FRMPD4: variants seen among roughly 807,000 people sequenced by gnomAD.
FRMPD4 encodes the protein FERM and PDZ domain-containing protein 4.
Under a neutral mutation model 94.1 loss-of-function variants are expected in FRMPD4, and 22 were observed. That is an observed-to-expected ratio of 0.23 (90% CI 0.17 to 0.33). The LOEUF (loss-of-function observed/expected upper bound fraction) is 0.33. FRMPD4 is among the 10% of genes least tolerant of loss of function. The pLI is 1.00. For missense variants in FRMPD4, 1,111 were observed against 1,339.9 expected, an observed-to-expected ratio of 0.83 and a Z score of 2.67; for synonymous variants, 631 against 548.6, an observed-to-expected ratio of 1.15 and a Z score of -2.10.
intron 3 of FRMPD4, among the ~76,000 whole-genome samples, chrX:12,025,034 A>G (rs1254717827): frequency 9.4e-6 from 1 of 105,883 alleles, no homozygotes; most frequent in Non-Finnish European, 1.9e-5. Context: ...ATAATTGACC[A>G]TCTTTTATTG....
intron 2 of FRMPD4, among the ~76,000 whole-genome samples, chrX:12,520,677 A>G (rs1244743639): frequency 7.2e-5 from 8 of 111,573 alleles, no homozygotes; most frequent in Admixed American, 9.5e-5. Flanking sequence ...ATCCCTTTCC[A>G]TCTTCACATT....
At chrX:12,419,097 C>G (rs189441504) in intron 1 of FRMPD4, among the ~76,000 whole-genome samples, 1 of 111,776 alleles carries the variant, frequency 8.9e-6, no homozygotes, top group Non-Finnish European at 1.9e-5. Context: ...TGACCCCTCC[C>G]TCCTCCTGTA....
chrX:12,655,752 A>C (rs2059648041), intron 4 of FRMPD4, among the ~76,000 whole-genome samples: 1 of 112,207 alleles, frequency 8.9e-6, no homozygotes, highest in African/African-American at 3.2e-5. Context: ...AATGGAAAGA[A>C]AGCTTTCATC....
At chrX:11,874,949 C>T (rs1274858903) in intron 2 of FRMPD4, among the ~76,000 whole-genome samples, 1 of 111,919 alleles carries the variant, frequency 8.9e-6, no homozygotes, top group Non-Finnish European at 1.9e-5. Context: ...AAAAGCATGA[C>T]AAATGGCAGA....
rs758573701 is a variant in FRMPD4, at chrX:12,718,214, G to C, written c.3388G>C (p.Glu1130Gln). Reference protein sequence around the residue: ...GLGAREAEGKEEGAPDGETSD... With the variant: ...GLGAREAEGKQEGAPDGETSD... ...TGGGGCAAGGGAGGCCGAAGGGAAG[G>C]AAGAAGGAGCTCCTGATGGAGAAAC... Residue 1130 changes from glutamate (E) to glutamine (Q), a missense_variant, in exon 16 of 17, where the codon GAA (glutamate) becomes CAA (glutamine). Glu to Gln is a conservative substitution (Grantham distance 29). Around this residue, in one of 8 missense-constraint regions of FRMPD4, gnomAD observed 551 missense variants for 591.6 expected, o/e 0.93. Coordinates refer to ENST00000675598, the MANE Select transcript of FRMPD4 (RefSeq NM_001368397.1). The C allele has an allele frequency of 7.4e-6, 9 of 1,209,917 alleles. No homozygotes were observed. In the African/African-American group the frequency reaches 1.6e-4, roughly 21 times the overall value.
At chrX:12,247,384 TC>T (rs761531537) in intron 1 of FRMPD4, among the ~76,000 whole-genome samples, 147 of 111,136 alleles carry the variant, frequency 1.3e-3, no homozygotes, top group African/African-American at 4.6e-3. Flanking sequence ...CAGTAACCCA[TC>T]CCCAAGTTCC....
rs775788853 is a variant in FRMPD4 at position 12,718,065 on chromosome X, A to T, written c.3239A>T (p.Asn1080Ile). Residue 1080 changes from asparagine to isoleucine, a missense_variant, in exon 16 of 17, where the codon AAT becomes ATT. Coordinates refer to ENST00000675598, the MANE Select transcript of FRMPD4 (RefSeq NM_001368397.1). Reference protein sequence around the residue: ...SRDSQHLSTFNLERTAFRKDS... With the variant: ...SRDSQHLSTFILERTAFRKDS... ...GACAGTCAACACCTGAGCACTTTTA[A>T]TCTGGAGAGAACTGCCTTTCGCAAG... 2 of 1,211,185 alleles carry T rather than the reference A, an allele frequency of 1.7e-6. No homozygotes were observed.
chrX:12,553,433 CCTAT>C (rs1443767850), intron 2 of FRMPD4, among the ~76,000 whole-genome samples: 3 of 28,753 alleles, frequency 1.0e-4, no homozygotes, highest in Non-Finnish European at 1.6e-4. Flanking sequence ...TATCCATATG[CCTAT>C]ATATATATAT....
intron 3 of FRMPD4, among the ~76,000 whole-genome samples, chrX:12,001,071 G>T (rs1262698789): frequency 8.9e-6 from 1 of 112,096 alleles, no homozygotes; most frequent in Non-Finnish European, 1.9e-5. Context: ...GATGGGTTAT[G>T]TAATGAAGGT....
chrX:12,250,007 T>G (rs1215667026), intron 1 of FRMPD4, among the ~76,000 whole-genome samples: 1 of 108,273 alleles, frequency 9.2e-6, no homozygotes, highest in Non-Finnish European at 1.9e-5. Context: ...TTGGGTTTAA[T>G]TATTAATTAT....
At chrX:12,070,153 A>G (rs895029580) in intron 3 of FRMPD4, among the ~76,000 whole-genome samples, 1 of 110,172 alleles carries the variant, frequency 9.1e-6, no homozygotes, top group Admixed American at 9.7e-5. Flanking sequence ...TAGATGAGAG[A>G]CAGTTGCTAA....
At chrX:12,294,255 T>A (rs945963503) in intron 1 of FRMPD4, among the ~76,000 whole-genome samples, 5 of 111,262 alleles carry the variant, frequency 4.5e-5, no homozygotes, top group Admixed American at 9.5e-5. Context: ...TATTGCTCCA[T>A]ATGATGAAAT....
At chrX:11,899,398 T>A (rs2147327743) in intron 3 of FRMPD4, among the ~76,000 whole-genome samples, 1 of 110,225 alleles carries the variant, frequency 9.1e-6, no homozygotes, top group South Asian at 3.9e-4. Flanking sequence ...TTTTTTTTTT[T>A]TTGCAGCTGA....
At chrX:12,073,900 A>G (rs999298356) in intron 3 of FRMPD4, among the ~76,000 whole-genome samples, 14 of 111,816 alleles carry the variant, frequency 1.3e-4, no homozygotes, top group African/African-American at 4.5e-4. Flanking sequence ...ATTTTTCTAC[A>G]AACTAGCACT....
At chrX:12,195,966 C>T (rs976745638) in intron 1 of FRMPD4, among the ~76,000 whole-genome samples, 1 of 111,586 alleles carries the variant, frequency 9.0e-6, no homozygotes, top group Non-Finnish European at 1.9e-5. Flanking sequence ...TATGGAATGA[C>T]GGAATGGATG....
Position 12,371,073 on chromosome X carries a change from C to T in FRMPD4, c.42-127607C>T, listed in dbSNP as rs185242167. 2.7e-5 allele frequency among the ~76,000 whole-genome samples: 3 copies of T among 112,348 alleles called. No individual in the cohort carries two copies. The East Asian group carries it at 8.3e-4, about 31-fold the overall frequency. On this transcript the variant is annotated intron_variant, in intron 1 of 16. Transcript: ENST00000675598. ...CTTTTTGCCTTGACTACCAGGAAACCTGTAGTTTTATTTAACATTAAATTG... is the reference window on the plus strand; with the variant it reads ...CTTTTTGCCTTGACTACCAGGAAACTTGTAGTTTTATTTAACATTAAATTG...
Position 12,717,979 on chromosome X carries a change from G to T in FRMPD4, c.3153G>T (p.Gly1051=), listed in dbSNP as rs1383484388. 1.7e-6 allele frequency: 2 copies of T among 1,211,918 alleles called. No individual in the cohort carries two copies. The highest frequency in any genetic ancestry group is 3.0e-5 in the East Asian group (1 of 33,838). ...ACACAACAGGAAAAAAACAGCAGGG[G>T]ACCAAAACGGCAGAGATGGAGGAGG... ...NGNTTGKKQQ[G]TKTAEMEEEA... is the part of the protein sequence containing the mutation. Residue 1051 remains glycine, a synonymous_variant, in exon 16 of 17, where the codon GGG becomes GGT. Transcript: ENST00000675598.
intron 1 of FRMPD4, among the ~76,000 whole-genome samples, chrX:12,476,535 G>A (rs1266944768): frequency 9.1e-6 from 1 of 110,168 alleles, no homozygotes; most frequent in African/African-American, 3.3e-5. Flanking sequence ...GCAACCTACA[G>A]TATGGGAGAA....
intron 1 of FRMPD4, among the ~76,000 whole-genome samples, chrX:12,339,276 A>G (rs776785691): frequency 1.8e-5 from 2 of 112,324 alleles, no homozygotes; most frequent in South Asian, 7.4e-4. Flanking sequence ...CAGGATGCAT[A>G]TGATCATTTA....
Sources: allele counts gnomAD v4.1 joint callset (sites outside exome capture counted in the v4.1 genomes callset), GRCh38; gene constraint gnomAD v4.1.1; regional missense constraint gnomAD v4.1.1; transcripts MANE v1.5; gene names NCBI Gene and HGNC (gene_info 2026-07-23, HGNC 2026-07-21).